Variants in SIPA1L1 observed in about 807,000 individuals in gnomAD.
SIPA1L1 encodes signal-induced proliferation-associated 1-like protein 1.
In SIPA1L1, 26 loss-of-function variants were observed where a neutral mutation model predicts 162.7. The observed-to-expected ratio is 0.16, with a 90% CI of 0.12 to 0.22. The LOEUF (loss-of-function observed/expected upper bound fraction) is 0.22, where lower values mean the gene tolerates loss of function less well. Ranked by LOEUF, SIPA1L1 falls within the 10% of genes least tolerant of loss-of-function variation. The probability of loss-of-function intolerance (pLI) is 1.00; values close to 1 mark genes in which losing one functional copy is unlikely to be tolerated. For synonymous variants in SIPA1L1, 829 were observed against 837.4 expected (o/e 0.99, Z 0.17); for missense variants, 1,874 against 2,241.0 (o/e 0.84, Z 3.31).
chr14:71,724,255 A>G (rs1490677514), intron 18 of SIPA1L1, among the ~76,000 whole-genome samples: 42 of 152,176 alleles, frequency 2.8e-4, no homozygotes, highest in Admixed American at 2.7e-3. Context: ...ACCAGAGGGA[A>G]TATTACAAAG....
At position 71,581,142 on chromosome 14, in the gene SIPA1L1, A is replaced by C. The variant is rs553779525; in HGVS notation, c.-302-6429A>C. The stretch of plus-strand genomic sequence containing the variant: ...TTTTTTTTAAGTGAGTCCATGGTCA[A>C]ATCAGTTAAGAAATTTCTTAGTTTA... On this transcript the variant is annotated intron_variant, in intron 4 of 23. Coordinates refer to ENST00000381232, the MANE Select transcript of SIPA1L1 (RefSeq NM_001386936.1). Among the ~76,000 whole-genome samples the C allele has an allele frequency of 7.9e-5, 12 of 152,174 alleles. No homozygotes were observed. The East Asian group carries it at 2.3e-3, about 29-fold the overall frequency.
intron 13 of SIPA1L1, among the ~76,000 whole-genome samples, chr14:71,689,638 A>T (rs2081113989): frequency 6.6e-6 from 1 of 152,120 alleles, no homozygotes; most frequent in African/African-American, 2.4e-5. Flanking sequence ...ATGTAAAATG[A>T]TTTTCTTTTC....
intron 7 of SIPA1L1, among the ~76,000 whole-genome samples, chr14:71,648,796 T>C (rs1354679230): frequency 1.3e-5 from 2 of 152,230 alleles, no homozygotes; most frequent in Admixed American, 6.5e-5. Flanking sequence ...TGTAGACATA[T>C]GTTGCAGCGG....
chr14:71,403,599 CAAAAAAAA>C (rs147285643), intron 2 of SIPA1L1, among the ~76,000 whole-genome samples: 1 of 69,298 alleles, frequency 1.4e-5, no homozygotes, highest in Non-Finnish European at 2.8e-5. Flanking sequence ...GACTCTGTCT[CAAAAAAAA>C]AAAAAAAAAA....
intron 3 of SIPA1L1, among the ~76,000 whole-genome samples, chr14:71,515,189 T>C (rs1484990542): frequency 1.3e-5 from 2 of 152,220 alleles, no homozygotes; most frequent in African/African-American, 4.8e-5. Flanking sequence ...ACACAGTTGT[T>C]ACTGTAGAGA....
intron 2 of SIPA1L1, among the ~76,000 whole-genome samples, chr14:71,359,113 C>T (rs933864971): frequency 6.6e-6 from 1 of 152,134 alleles, no homozygotes; most frequent in Non-Finnish European, 1.5e-5. Context: ...TCATATTCCC[C>T]ACATATTGTG....
At chr14:71,501,258 T>A (rs982349000) in intron 2 of SIPA1L1, among the ~76,000 whole-genome samples, 3 of 151,920 alleles carry the variant, frequency 2.0e-5, no homozygotes, top group Non-Finnish European at 4.4e-5. Flanking sequence ...GAGTCGAGGC[T>A]ACAGTGAGCC....
chr14:71,445,149 A>G (rs2045244930), intron 2 of SIPA1L1, among the ~76,000 whole-genome samples: 3 of 152,362 alleles, frequency 2.0e-5, no homozygotes, highest in South Asian at 4.1e-4. Context: ...GACAGTTTCT[A>G]CTTATCCTGG....
intron 5 of SIPA1L1, among the ~76,000 whole-genome samples, chr14:71,617,958 G>A (rs2039016849): frequency 6.6e-6 from 1 of 152,208 alleles, no homozygotes; most frequent in Non-Finnish European, 1.5e-5. Context: ...TATATGCACA[G>A]TAAATATCAC....
At position 71,699,013 on chromosome 14, in the gene SIPA1L1, T is replaced by C; in HGVS notation, c.3407T>C (p.Val1136Ala). ...LSPGSDIYVT[V>A]SSMALARSQC... is the part of the protein sequence containing the mutation. Reference sequence around the variant, plus strand: ...CCTGGTTCGGACATCTATGTGACGGTCTCATCCATGGCTTTAGCAAGATCC... The same window carrying C: ...CCTGGTTCGGACATCTATGTGACGGCCTCATCCATGGCTTTAGCAAGATCC... Residue 1136 changes from valine (V) to alanine (A), a missense_variant, in exon 14 of 24, where the codon GTC becomes GCC. By Grantham distance (64) the Val-to-Ala change is moderately conservative. This residue lies in a region of SIPA1L1 where 936 missense variants were observed against 1,051.9 expected (regional missense o/e 0.89). Transcript: ENST00000381232. 1 of 1,614,218 alleles carries C rather than the reference T, an allele frequency of 6.2e-7. No homozygotes were observed. The highest frequency in any genetic ancestry group is 1.3e-5 in the African/African-American group (1 of 75,050).
At chr14:71,330,351 CTCTT>C in intron 2 of SIPA1L1, 1 of 855,680 alleles carries the variant, frequency 1.2e-6, no homozygotes, top group Non-Finnish European at 2.0e-6. Context: ...GCACAGTCCT[CTCTT>C]TTTGGCGATG....
chr14:71,426,607 A>AG (rs933823430), intron 2 of SIPA1L1, among the ~76,000 whole-genome samples: 23 of 150,490 alleles, frequency 1.5e-4, no homozygotes, highest in Admixed American at 4.7e-4. Flanking sequence ...CTCCTGCCTC[A>AG]GCCTCCTGAG....
chr14:71,679,476 A>G (rs1272416669), intron 12 of SIPA1L1, among the ~76,000 whole-genome samples: 1 of 152,242 alleles, frequency 6.6e-6, no homozygotes, highest in Non-Finnish European at 1.5e-5. Flanking sequence ...GCCACTGCAA[A>G]AACATGCCAA....
At chr14:71,540,593 T>G (rs982792711) in intron 4 of SIPA1L1, among the ~76,000 whole-genome samples, 1 of 152,126 alleles carries the variant, frequency 6.6e-6, no homozygotes, top group African/African-American at 2.4e-5. Flanking sequence ...AAAAAAAGGT[T>G]GTGTCATTTG....
intron 2 of SIPA1L1, among the ~76,000 whole-genome samples, chr14:71,373,388 C>G (rs545982988): frequency 6.6e-6 from 1 of 151,230 alleles, no homozygotes; most frequent in Non-Finnish European, 1.5e-5. Flanking sequence ...TTTGGGAGGC[C>G]GAGGTGGGCG....
At chr14:71,359,615 G>A (rs1007484752) in intron 2 of SIPA1L1, among the ~76,000 whole-genome samples, 2 of 152,086 alleles carry the variant, frequency 1.3e-5, no homozygotes, top group African/African-American at 2.4e-5. Context: ...GCTGCTTTTT[G>A]GGATTCCTAC....
intron 2 of SIPA1L1, among the ~76,000 whole-genome samples, chr14:71,453,799 GC>G (rs2045982851): frequency 6.6e-6 from 1 of 151,956 alleles, no homozygotes; most frequent in Admixed American, 6.6e-5. Flanking sequence ...TTCAAGACCA[GC>G]TTAGCTAACA....
intron 2 of SIPA1L1, among the ~76,000 whole-genome samples, chr14:71,392,322 C>T (rs528624218): frequency 6.6e-6 from 1 of 152,246 alleles, no homozygotes; most frequent in South Asian, 2.1e-4. Context: ...TGTCACCGAG[C>T]CTTGTTTGTT....
chr14:71,738,204 G>T (rs772757707), intron 22 of SIPA1L1, 37 bp from the exon 23 acceptor site: 1 of 1,076,302 alleles, frequency 9.3e-7, no homozygotes, highest in Non-Finnish European at 1.4e-6. Context: ...AGCCATGGAG[G>T]CCCCTGCCAA....
Sources: allele counts gnomAD v4.1 joint callset (sites outside exome capture counted in the v4.1 genomes callset), GRCh38; gene constraint gnomAD v4.1.1; regional missense constraint gnomAD v4.1.1; transcripts MANE v1.5; gene names NCBI Gene and HGNC (gene_info 2026-07-23, HGNC 2026-07-21).